Variants in SVIP observed in about 807,000 individuals in gnomAD.
SVIP encodes small VCP interacting protein.
In SVIP, 14 loss-of-function variants were observed where a neutral mutation model predicts 12.9. The ratio of observed to expected loss-of-function variants is 1.08; its 90% confidence interval spans 0.72 to 1.70. The LOEUF (loss-of-function observed/expected upper bound fraction) is 1.70, where lower values mean the gene tolerates loss of function less well. Among genes scored for constraint, SVIP ranks in the 40% most tolerant of loss-of-function variants. The pLI, the probability that SVIP is intolerant of heterozygous loss-of-function variation, is 0.00. For synonymous variants in SVIP, 35 were observed against 33.3 expected (o/e 1.05, Z -0.17); for missense variants, 93 against 90.8 (o/e 1.02, Z -0.10).
At position 22,821,159 on chromosome 11, in the gene SVIP, G is replaced by A. The variant is rs1201455096; in HGVS notation, c.*1960C>T. ...TATTATATATATATATAATTTTTTA[G>A]TCATGTTTTTAGTCATTTGCTTTTT... On this transcript the variant is annotated 3_prime_UTR_variant, in exon 4 of 4. Coordinates refer to ENST00000354193, the MANE Select transcript of SVIP (RefSeq NM_148893.3). 1 of 146,694 alleles carries A rather than the reference G, an allele frequency of 6.8e-6. No individual in the cohort carries two copies. The highest frequency in any genetic ancestry group is 6.8e-5 in the Admixed American group (1 of 14,618). The allele number at this position is 146,694 out of a possible 1,614,324, so 9.1% of individuals were successfully genotyped here.
rs977188455 is a variant in SVIP, at chr11:22,821,848, A to G, written c.*1271T>C. On this transcript the variant is annotated 3_prime_UTR_variant, in exon 4 of 4. Coordinates refer to ENST00000354193, the MANE Select transcript of SVIP (RefSeq NM_148893.3). ...AGACCTGTATTATATAATAGTTCAA[A>G]CTTTTAAAAATTAACATGTACAATA... 1.3e-5 allele frequency: 2 copies of G among 152,154 alleles called. No individual in the cohort carries two copies. Among genetic ancestry groups the G allele is most frequent in the African/African-American group, 2.4e-5 (1 of 41,444 alleles). 9.4% of individuals were successfully genotyped at this position (152,154 alleles called of 1,614,324 possible).
At chr11:22,827,162 T>A (rs777968688) in intron 3 of SVIP, 45 bp downstream of exon 3, 10 of 1,469,192 alleles carry the variant, frequency 6.8e-6, no homozygotes, top group African/African-American at 4.2e-5. Flanking sequence ...TAAGTTTTTT[T>A]AAAATGCCAG....
Position 22,819,647 on chromosome 11 carries a change from C to T in SVIP, c.*3472G>A, listed in dbSNP as rs900592852. On this transcript the variant is annotated 3_prime_UTR_variant, in exon 4 of 4. Transcript: ENST00000354193. ...ATTAGTCAGGCGTGGTGGCACATGC[C>T]TGCAATCCCAGCTACTAGGGAGGCT... The T allele has an allele frequency of 2.0e-5, 3 of 152,336 alleles. No individual in the cohort carries two copies. Among genetic ancestry groups the T allele is most frequent in the African/African-American group, 7.2e-5 (3 of 41,462 alleles). 9.4% of individuals were successfully genotyped at this position (152,336 alleles called of 1,614,324 possible). A position where few individuals can be genotyped will look rare whatever the true frequency, so the allele number is the denominator to read the frequency against.
chr11:22,823,791 A>C (rs1385901458), intron 3 of SVIP, among the ~76,000 whole-genome samples: 1 of 152,070 alleles, frequency 6.6e-6, no homozygotes, highest in Non-Finnish European at 1.5e-5. Context: ...GTGAGGTGGG[A>C]ATGGCTCACT....
intron 3 of SVIP, among the ~76,000 whole-genome samples, chr11:22,823,886 AATTT>A (rs1487524291): frequency 1.3e-5 from 2 of 151,798 alleles, no homozygotes; most frequent in African/African-American, 2.4e-5. Flanking sequence ...CACCACACCT[AATTT>A]ATTTTTTATT....
chr11:22,829,320 C>T, intron 1 of SVIP: 1 of 201,500 alleles, frequency 5.0e-6, no homozygotes. Context: ...AAAGAGCTCC[C>T]GGAGAAAGCA....
chr11:22,828,879 G>A (rs565657959), intron 1 of SVIP, among the ~76,000 whole-genome samples: 1 of 152,034 alleles, frequency 6.6e-6, no homozygotes, highest in East Asian at 1.9e-4. Context: ...AGAGAAACAG[G>A]TTTATGTTAA....
intron 1 of SVIP, among the ~76,000 whole-genome samples, chr11:22,828,482 GAAGT>G (rs551285842): frequency 9.3e-4 from 142 of 152,290 alleles, no homozygotes; most frequent in Non-Finnish European, 1.5e-3. Context: ...CAAATATAAT[GAAGT>G]AAGTAAACGT....
intron 3 of SVIP, among the ~76,000 whole-genome samples, chr11:22,824,463 C>CGTATATATATGT (rs1564905965): frequency 2.6e-5 from 3 of 115,094 alleles, no homozygotes; most frequent in African/African-American, 8.9e-5. Context: ...TATATATACA[C>CGTATATATATGT]ATATATATAC....
chr11:22,825,829 C>A (rs776009699), intron 3 of SVIP, among the ~76,000 whole-genome samples: 20 of 152,124 alleles, frequency 1.3e-4, no homozygotes, highest in Non-Finnish European at 2.1e-4. Context: ...TATAACATTA[C>A]GTATGACTTT....
chr11:22,826,669 A>C (rs1326339094), intron 3 of SVIP, among the ~76,000 whole-genome samples: 2 of 152,132 alleles, frequency 1.3e-5, no homozygotes, highest in Non-Finnish European at 2.9e-5. Flanking sequence ...ATCCATATCT[A>C]GGGAGGTATG....
intron 1 of SVIP, among the ~76,000 whole-genome samples, chr11:22,828,948 C>T (rs896841314): frequency 1.3e-5 from 2 of 152,116 alleles, no homozygotes; most frequent in Non-Finnish European, 2.9e-5. Context: ...AAAAAGTGTA[C>T]ATGTATTGTA....
chr11:22,828,475 A>G (rs1213299624), intron 1 of SVIP, among the ~76,000 whole-genome samples: 1 of 152,218 alleles, frequency 6.6e-6, no homozygotes, highest in African/African-American at 2.4e-5. Context: ...GCACAGACAA[A>G]TATAATGAAG....
At chr11:22,828,443 G>A (rs1857807802) in intron 1 of SVIP, among the ~76,000 whole-genome samples, 1 of 152,170 alleles carries the variant, frequency 6.6e-6, no homozygotes, top group Admixed American at 6.5e-5. Context: ...CCTCCCAAAT[G>A]AAACAAATTC....
In SVIP at chr11:22,821,282, G is replaced by A. The variant is rs903427852; in HGVS notation, c.*1837C>T. The stretch of plus-strand genomic sequence containing the variant: ...CCTAACATTTGGGTACCACCCCTTA[G>A]CTCCTGCGACCCATGTGGTTTTGGA... On this transcript the variant is annotated 3_prime_UTR_variant, in exon 4 of 4. Transcript: ENST00000354193. 6.6e-6 allele frequency: 1 copy of A among 151,400 alleles called. No individual in the cohort carries two copies. The highest frequency in any genetic ancestry group is 2.4e-5 in the African/African-American group (1 of 41,156). 9.4% of individuals were successfully genotyped at this position (151,400 alleles called of 1,614,324 possible).
At chr11:22,824,307 T>C (rs1857590516) in intron 3 of SVIP, among the ~76,000 whole-genome samples, 1 of 151,936 alleles carries the variant, frequency 6.6e-6, no homozygotes, top group African/African-American at 2.4e-5. Context: ...CTTTGTTTAA[T>C]GAAGTCTATT....
At chr11:22,829,416 A>C in intron 1 of SVIP, 1 of 369,828 alleles carries the variant, frequency 2.7e-6, no homozygotes, top group Non-Finnish European at 4.9e-6. Context: ...CGCCCTATGA[A>C]GATCCGGCGC....
At chr11:22,826,330 A>G (rs1222399513) in intron 3 of SVIP, among the ~76,000 whole-genome samples, 1 of 152,080 alleles carries the variant, frequency 6.6e-6, no homozygotes, top group African/African-American at 2.4e-5. Context: ...GTGTATGTGT[A>G]TATGTCCATG....
chr11:22,826,875 G>C (rs899378725), intron 3 of SVIP, among the ~76,000 whole-genome samples: 1 of 152,034 alleles, frequency 6.6e-6, no homozygotes, highest in Non-Finnish European at 1.5e-5. Flanking sequence ...TGTCAAAATG[G>C]TACTTAGTTT....
Sources: gnomAD v4.1 joint callset for allele counts (sites outside exome capture counted in the v4.1 genomes callset) on GRCh38, gnomAD v4.1.1 for gene constraint, MANE v1.5 for transcripts, NCBI Gene and HGNC (gene_info 2026-07-23, HGNC 2026-07-21) for gene names.